The following LNPEP variants were observed in gnomAD, a reference collection of about 807,000 sequenced individuals.
LNPEP encodes the protein leucyl and cystinyl aminopeptidase.
A neutral mutation model predicts 120.6 loss-of-function variants in LNPEP; 64 were observed. The ratio of observed to expected loss-of-function variants is 0.53; its 90% CI spans 0.43 to 0.65. The LOEUF is 0.65. LNPEP is among the 30% of genes least tolerant of loss of function. The probability of loss-of-function intolerance (pLI) is 0.00; values close to 1 mark genes in which losing one functional copy is unlikely to be tolerated. For missense variants in LNPEP, 1,057 were observed against 1,200.0 expected (o/e 0.88, Z 1.76); for synonymous variants, 435 against 425.4 (o/e 1.02, Z -0.28).
chr5:96,981,705 C>T (rs900042661), intron 2 of LNPEP, among the ~76,000 whole-genome samples: 4 of 152,114 alleles, frequency 2.6e-5, no homozygotes, highest in Admixed American at 2.0e-4. Flanking sequence ...AGACACCTTG[C>T]GTAGACACTG....
chr5:96,989,301 ATATAT>A (rs1157110794), intron 4 of LNPEP, among the ~76,000 whole-genome samples: 1 of 66,936 alleles, frequency 1.5e-5, no homozygotes, highest in African/African-American at 5.7e-5. Flanking sequence ...TTTATATATA[ATATAT>A]TGTATATTAT....
At chr5:96,946,081 T>C (rs1225189833) in intron 1 of LNPEP, among the ~76,000 whole-genome samples, 1 of 152,226 alleles carries the variant, frequency 6.6e-6, no homozygotes, top group Non-Finnish European at 1.5e-5. Context: ...GAGGAGCTAG[T>C]GTGTCCACAT....
At chr5:96,986,492 C>A (rs754255877) in intron 3 of LNPEP, 47 bp from the exon 4 acceptor site, 1 of 1,555,976 alleles carries the variant, frequency 6.4e-7, no homozygotes, top group Admixed American at 1.8e-5. Context: ...TTGTTATTGC[C>A]ATTTATTCCT....
chr5:97,004,502 ACT>A (rs1790732377), intron 9 of LNPEP, among the ~76,000 whole-genome samples: 1 of 149,516 alleles, frequency 6.7e-6, no homozygotes, highest in African/African-American at 2.5e-5. Context: ...ACAGAGCCAG[ACT>A]CTGTCTCAAA....
At chr5:96,944,265 G>T (rs1458403537) in intron 1 of LNPEP, among the ~76,000 whole-genome samples, 1 of 152,266 alleles carries the variant, frequency 6.6e-6, no homozygotes, top group Middle Eastern at 3.4e-3. Flanking sequence ...ACATTTCATT[G>T]TCAATGAAAA....
chr5:96,940,246 ACT>A (rs1199275281), intron 1 of LNPEP, among the ~76,000 whole-genome samples: 2 of 152,050 alleles, frequency 1.3e-5, no homozygotes, highest in African/African-American at 4.8e-5. Flanking sequence ...TATTTTAGAA[ACT>A]CTTATAACCG....
Position 97,015,725 on chromosome 5 carries a change from G to A in LNPEP, c.2376+630G>A, listed in dbSNP as rs190396533. 2.8e-3 allele frequency among the ~76,000 whole-genome samples: 422 copies of A among 152,136 alleles called. 2 individuals are homozygous for A. Among genetic ancestry groups the A allele is most frequent in the African/African-American group, 9.4e-3 (391 of 41,520 alleles). On this transcript the variant is annotated intron_variant, in intron 13 of 17. Coordinates refer to ENST00000231368, the MANE Select transcript of LNPEP (RefSeq NM_005575.3). ...TTTTTATCTAATTCTCTGAATCAGC[G>A]CATTTTGACAACAGAGTTTGCTTTA...
chr5:96,998,221 A>G, intron 8 of LNPEP, 76 bp downstream of exon 8: 1 of 1,076,366 alleles, frequency 9.3e-7, no homozygotes. Context: ...AAGCTGTGTG[A>G]TTTAGATTAT....
intron 11 of LNPEP, 147 bp downstream of exon 11, chr5:97,006,662 T>A (rs1275747830): frequency 3.3e-6 from 2 of 605,712 alleles, no homozygotes; most frequent in Non-Finnish European, 5.9e-6. Context: ...AATGTGAGAT[T>A]GATTCTGTAT....
At chr5:96,945,252 A>T (rs1362482994) in intron 1 of LNPEP, among the ~76,000 whole-genome samples, 1 of 151,426 alleles carries the variant, frequency 6.6e-6, no homozygotes, top group African/African-American at 2.4e-5. Context: ...TAAAAATTAA[A>T]AAAAAAAATT....
chr5:97,017,740 G>A (rs1457488781), intron 13 of LNPEP, among the ~76,000 whole-genome samples: 1 of 152,048 alleles, frequency 6.6e-6, no homozygotes, highest in African/African-American at 2.4e-5. Flanking sequence ...TAATTTTCTA[G>A]GGCTATTAAA....
At chr5:97,013,021 T>C (rs1790977641) in intron 11 of LNPEP, among the ~76,000 whole-genome samples, 1 of 152,190 alleles carries the variant, frequency 6.6e-6, no homozygotes, top group Non-Finnish European at 1.5e-5. Flanking sequence ...TTTTACACAG[T>C]TCTCTCACTG....
chr5:96,979,223 T>C lies in LNPEP; in HGVS notation c.105T>C (p.Cys35=), dbSNP rs745507720. 6.2e-7 allele frequency: 1 copy of C among 1,613,976 alleles called. No individual in the cohort carries two copies. The highest frequency in any genetic ancestry group is 8.5e-7 in the Non-Finnish European group (1 of 1,179,880). ...PDVVDLAKEP[C]LHPLEPDEVE... ...TGGTGGATTTAGCCAAAGAGCCTTG[T>C]TTACATCCTCTAGAGCCTGATGAGG... is the stretch of plus-strand genomic sequence containing the variant. The change falls in exon 2 of 18, where the codon TGT becomes TGC. Residue 35 remains cysteine, a synonymous_variant. Coordinates refer to ENST00000231368, the MANE Select transcript of LNPEP (RefSeq NM_005575.3).
At chr5:97,013,444 C>A (rs1332941066) in intron 11 of LNPEP, among the ~76,000 whole-genome samples, 1 of 152,136 alleles carries the variant, frequency 6.6e-6, no homozygotes, top group Non-Finnish European at 1.5e-5. Flanking sequence ...TAGCTTACAG[C>A]CAATATTGCA....
intron 1 of LNPEP, among the ~76,000 whole-genome samples, chr5:96,965,985 A>G (rs948579582): frequency 1.5e-4 from 23 of 152,090 alleles, no homozygotes; most frequent in South Asian, 6.2e-4. Context: ...TCTGTTTGCA[A>G]TTGTCCTTGG....
rs149938959 is a variant in LNPEP, at chr5:96,962,277, G to A, written c.20-16861G>A. Among the ~76,000 whole-genome samples the A allele has an allele frequency of 9.2e-3, 1,403 of 152,228 alleles. 23 individuals carry two copies. Among genetic ancestry groups the A allele is most frequent in the African/African-American group, 0.032 (1,319 of 41,528 alleles). On this transcript the variant is annotated intron_variant, in intron 1 of 17. Transcript: ENST00000231368. ...AGGGTGTTAAAGGGGTATACGTACT[G>A]CAGTCAAAAAAATGGTGGGTTTGGA... is the stretch of plus-strand genomic sequence containing the variant.
At chr5:97,008,337 GTTTTTTTTTTTTTTTTTTTT>G (rs781727347) in intron 11 of LNPEP, among the ~76,000 whole-genome samples, 3 of 59,824 alleles carry the variant, frequency 5.0e-5, no homozygotes, top group Admixed American at 2.4e-4. Context: ...GTTTTTTCTT[GTTTTTTTTTTTTTTTTTTTT>G]TTTTTTTTTT....
In LNPEP at chr5:96,979,252, A is replaced by T. The variant is rs923875456; in HGVS notation, c.134A>T (p.Glu45Val). 1 of 1,613,940 alleles carries T rather than the reference A, an allele frequency of 6.2e-7. No homozygotes were observed. Among genetic ancestry groups the T allele is most frequent in the Non-Finnish European group, 8.5e-7 (1 of 1,179,894 alleles). Residue 45 changes from glutamate to valine, a missense_variant, in exon 2 of 18, where the codon GAA becomes GTA. Coordinates refer to ENST00000231368, the MANE Select transcript of LNPEP (RefSeq NM_005575.3). ...CLHPLEPDEV[E>V]YEPRGSRLLV... ...CATCCTCTAGAGCCTGATGAGGTGG[A>T]ATATGAGCCCCGGGGTTCCCGACTG...
chr5:96,959,393 T>G (rs1789545545), intron 1 of LNPEP, among the ~76,000 whole-genome samples: 1 of 152,228 alleles, frequency 6.6e-6, no homozygotes, highest in Non-Finnish European at 1.5e-5. Context: ...TAATTTATAG[T>G]TAATATAACT....
Sources: allele counts gnomAD v4.1 joint callset (sites outside exome capture counted in the v4.1 genomes callset), GRCh38; gene constraint gnomAD v4.1.1; transcripts MANE v1.5; gene names NCBI Gene and HGNC (gene_info 2026-07-23, HGNC 2026-07-21).